GTPBP10: variants seen among roughly 807,000 people sequenced by gnomAD.
GTPBP10 encodes GTP binding protein 10, also known as GTP-binding protein 10.
GTPBP10 carries 38 observed loss-of-function variants against 44.8 expected under a neutral mutation model. The observed-to-expected ratio is 0.85, with a 90% CI of 0.65 to 1.11. The LOEUF is 1.11. Ranked by LOEUF, GTPBP10 falls within the 50% of genes most tolerant of loss-of-function variation. The probability of loss-of-function intolerance (pLI) is 0.00; values close to 1 mark genes in which losing one functional copy is unlikely to be tolerated. For synonymous variants in GTPBP10, 152 were observed against 150.6 expected (o/e 1.01, Z -0.07); for missense variants, 462 against 453.7 (o/e 1.02, Z -0.17).
At chr7:90,365,045 G>A (rs972230225) in intron 4 of GTPBP10, among the ~76,000 whole-genome samples, 5 of 152,180 alleles carry the variant, frequency 3.3e-5, no homozygotes, top group African/African-American at 1.2e-4. Flanking sequence ...CCCTTGGCTA[G>A]GAAAGGGAAT....
intron 1 of GTPBP10, among the ~76,000 whole-genome samples, chr7:90,352,521 A>G (rs1232332542): frequency 6.6e-6 from 1 of 152,256 alleles, no homozygotes; most frequent in African/African-American, 2.4e-5. Flanking sequence ...ACAAGCAGAA[A>G]TTACCCAGGG....
intron 1 of GTPBP10, among the ~76,000 whole-genome samples, chr7:90,349,237 T>C (rs1051471815): frequency 3.3e-5 from 5 of 152,234 alleles, no homozygotes; most frequent in Non-Finnish European, 7.3e-5. Flanking sequence ...CAGATTTTCC[T>C]GAAGTTTTCT....
intron 1 of GTPBP10, among the ~76,000 whole-genome samples, chr7:90,349,420 C>T (rs1795745000): frequency 6.6e-6 from 1 of 152,052 alleles, no homozygotes; most frequent in Admixed American, 6.6e-5. Context: ...TTCTGGGTAG[C>T]GGGGAGGTGG....
chr7:90,379,339 T>C (rs1425978482), intron 8 of GTPBP10, among the ~76,000 whole-genome samples: 1 of 152,212 alleles, frequency 6.6e-6, no homozygotes, highest in African/African-American at 2.4e-5. Context: ...ATATGGCAGC[T>C]AGAGTGATCT....
In GTPBP10 at chr7:90,385,159, A is replaced by G. The variant is rs762150802; in HGVS notation, c.*5A>G. ...TCCAAAATGGATATAATTTAAATAT[A>G]TTAAAAATGGTATTGATGGAACAGT... On this transcript the variant is annotated 3_prime_UTR_variant, in exon 10 of 10. Transcript: ENST00000222511. The G allele has an allele frequency of 1.3e-6, 2 of 1,576,820 alleles. No homozygotes were observed. The highest frequency in any genetic ancestry group is 1.2e-5 in the South Asian group (1 of 86,590).
Position 90,355,198 on chromosome 7 carries a change from T to C in GTPBP10, c.432T>C (p.Asp144=), listed in dbSNP as rs1795872569. 1.2e-6 allele frequency: 2 copies of C among 1,601,962 alleles called. No individual in the cohort carries two copies. Among genetic ancestry groups the C allele is most frequent in the Admixed American group, 1.7e-5 (1 of 58,560 alleles). ...GCCAGAAACGAATAATTCACCTTGA[T>C]CTAAAACTTATAGCTGATGTAGGCC... ...LKGQKRIIHL[D]LKLIADVGLV... is the part of the protein sequence containing the mutation. The change falls in exon 4 of 10, where the codon GAT becomes GAC. Residue 144 remains aspartate (D), a synonymous_variant. Transcript: ENST00000222511.
chr7:90,374,179 A>AT, intron 5 of GTPBP10, 123 bp from the exon 6 acceptor site: 1 of 738,438 alleles, frequency 1.4e-6, no homozygotes, highest in Non-Finnish European at 2.4e-6. Flanking sequence ...AATAGTTTCC[A>AT]TTTTAGCAAA....
chr7:90,366,822 G>C (rs12531453), intron 4 of GTPBP10, among the ~76,000 whole-genome samples: 30,237 of 150,938 alleles, frequency 0.2, 3,150 homozygotes, highest in African/African-American at 0.23. Context: ...TTCTTGCCTT[G>C]TGCTAGCTCT....
intron 1 of GTPBP10, among the ~76,000 whole-genome samples, chr7:90,352,033 G>T (rs1247759913): frequency 6.6e-6 from 1 of 152,126 alleles, no homozygotes; most frequent in Non-Finnish European, 1.5e-5. Flanking sequence ...TTGAGTAAAG[G>T]AGAAACATGA....
At position 90,384,944 on chromosome 7, in the gene GTPBP10, C is replaced by G; in HGVS notation, c.954C>G (p.Phe318Leu). Residue 318 changes from phenylalanine to leucine, a missense_variant, in exon 10 of 10, where the codon TTC becomes TTG. Transcript: ENST00000222511. The part of the protein sequence containing the change: ...KNMIPERTVE[F>L]QHIIPISAVT... ...TGATTCCAGAGAGGACTGTAGAGTT[C>G]CAACATATCATCCCCATATCTGCAG... The G allele has an allele frequency of 6.2e-7, 1 of 1,611,942 alleles. No homozygotes were observed. The highest frequency in any genetic ancestry group is 1.3e-5 in the African/African-American group (1 of 74,936).
chr7:90,349,193 T>G (rs971883505), intron 1 of GTPBP10, among the ~76,000 whole-genome samples: 4 of 152,368 alleles, frequency 2.6e-5, no homozygotes, highest in Non-Finnish European at 4.4e-5. Context: ...CATGGCTTTT[T>G]CAATAATAAT....
chr7:90,350,891 G>A (rs1347641686), intron 1 of GTPBP10, among the ~76,000 whole-genome samples: 3 of 152,160 alleles, frequency 2.0e-5, no homozygotes, highest in Admixed American at 2.0e-4. Context: ...CTTCTTGGGA[G>A]CACTGCCAGC....
In GTPBP10 at chr7:90,384,986, C is replaced by G; in HGVS notation, c.996C>G (p.Ile332Met). 1 of 1,613,538 alleles carries G rather than the reference C, an allele frequency of 6.2e-7. No homozygotes were observed. The highest frequency in any genetic ancestry group is 1.3e-5 in the African/African-American group (1 of 74,946). ...IPISAVTGEG[I>M]EELKNCIRKS... ...TATCTGCAGTTACTGGAGAAGGAAT[C>G]GAAGAATTAAAGAATTGTATAAGAA... The change falls in exon 10 of 10, where the codon ATC (isoleucine) becomes ATG (methionine). Residue 332 changes from isoleucine to methionine, a missense_variant. Physicochemically the swap from Ile to Met is conservative, Grantham distance 10. Transcript: ENST00000222511.
intron 4 of GTPBP10, among the ~76,000 whole-genome samples, chr7:90,365,109 C>T (rs558415114): frequency 2.0e-5 from 3 of 152,280 alleles, no homozygotes; most frequent in South Asian, 2.1e-4. Context: ...TGCTTTGGCT[C>T]ACACTCAGTG....
At chr7:90,357,955 GAAAA>G (rs1236931842) in intron 4 of GTPBP10, among the ~76,000 whole-genome samples, 2 of 151,638 alleles carry the variant, frequency 1.3e-5, no homozygotes, top group Admixed American at 6.6e-5. Context: ...TCAGGCAAGA[GAAAA>G]AAAGGGCATT....
chr7:90,350,977 T>C (rs1274315829), intron 1 of GTPBP10, among the ~76,000 whole-genome samples: 2 of 152,110 alleles, frequency 1.3e-5, no homozygotes, highest in Non-Finnish European at 2.9e-5. Flanking sequence ...TGATGAAAAA[T>C]GCAAGAGAAC....
At chr7:90,360,542 G>A (rs1795997139) in intron 4 of GTPBP10, among the ~76,000 whole-genome samples, 1 of 152,176 alleles carries the variant, frequency 6.6e-6, no homozygotes, top group Admixed American at 6.5e-5. Flanking sequence ...GGTTACTGTA[G>A]CCTTGTAGTA....
At chr7:90,364,814 C>A (rs369068377) in intron 4 of GTPBP10, among the ~76,000 whole-genome samples, 2 of 152,200 alleles carry the variant, frequency 1.3e-5, no homozygotes, top group Admixed American at 6.5e-5. Context: ...CCTACTCAAG[C>A]CTCAGCAATG....
At chr7:90,370,066 C>T (rs1394198694) in intron 4 of GTPBP10, among the ~76,000 whole-genome samples, 1 of 152,086 alleles carries the variant, frequency 6.6e-6, no homozygotes, top group Non-Finnish European at 1.5e-5. Context: ...ACAATGTACA[C>T]TGCTTGGGTG....
Sources: gnomAD v4.1 joint callset for allele counts (sites outside exome capture counted in the v4.1 genomes callset) on GRCh38, gnomAD v4.1.1 for gene constraint, MANE v1.5 for transcripts, NCBI Gene and HGNC (gene_info 2026-07-23, HGNC 2026-07-21) for gene names.